The following RFTN1 variants were observed in gnomAD, a reference collection of about 807,000 sequenced individuals.
The protein encoded by RFTN1 is raftlin.
Under a neutral mutation model 46.5 loss-of-function variants are expected in RFTN1, and 26 were observed. The observed-to-expected ratio is 0.56, with a 90% CI of 0.41 to 0.78. The LOEUF (loss-of-function observed/expected upper bound fraction) is 0.78, where lower values mean the gene tolerates loss of function less well. RFTN1 is among the 30% of genes least tolerant of loss of function. The probability of loss-of-function intolerance (pLI) is 0.00; values close to 1 mark genes in which losing one functional copy is unlikely to be tolerated. For missense variants in RFTN1, 693 were observed against 718.7 expected (o/e 0.96, Z 0.41); for synonymous variants, 261 against 284.2 (o/e 0.92, Z 0.82).
At position 16,448,464 on chromosome 3, in the gene RFTN1, A is replaced by G. The variant is rs1223245745; in HGVS notation, c.146-14427T>C. Reference sequence around the variant, plus strand: ...AGTTGAGGTCACTTCTTTTTCCCAAAATAAATCCATAACACCAAGGAATGG... The same window carrying G: ...AGTTGAGGTCACTTCTTTTTCCCAAGATAAATCCATAACACCAAGGAATGG... On this transcript the variant is annotated intron_variant, in intron 2 of 9. Coordinates refer to ENST00000334133, the MANE Select transcript of RFTN1 (RefSeq NM_015150.2). This position sits in a 1 kb window ranked among gnomAD's most constrained non-coding sequence, Gnocchi z 4.1. 6.6e-6 allele frequency among the ~76,000 whole-genome samples: 1 copy of G among 152,198 alleles called. No individual in the cohort carries two copies. The highest frequency in any genetic ancestry group is 1.5e-5 in the Non-Finnish European group (1 of 68,028).
intron 1 of RFTN1, among the ~76,000 whole-genome samples, chr3:16,510,638 A>T (rs191240401): frequency 6.6e-6 from 1 of 152,332 alleles, no homozygotes; most frequent in East Asian, 1.9e-4. Flanking sequence ...ACAGGGCTGT[A>T]GTATCTGGAA....
chr3:16,494,424 T>C (rs1275988057), intron 1 of RFTN1, among the ~76,000 whole-genome samples: 1 of 152,220 alleles, frequency 6.6e-6, no homozygotes, highest in African/African-American at 2.4e-5. Context: ...GGTATTTTTA[T>C]GGGCCTTGTC....
chr3:16,510,027 C>T (rs1192948533), intron 1 of RFTN1, among the ~76,000 whole-genome samples: 1 of 152,182 alleles, frequency 6.6e-6, no homozygotes, highest in Non-Finnish European at 1.5e-5. Context: ...CAAGCTTTGG[C>T]TGTTGGCACC....
At chr3:16,435,455 A>C (rs1023092888) in intron 2 of RFTN1, among the ~76,000 whole-genome samples, 1 of 152,146 alleles carries the variant, frequency 6.6e-6, no homozygotes, top group African/African-American at 2.4e-5. Context: ...CTGTAATCCC[A>C]GCTACTCGGG....
intron 5 of RFTN1, among the ~76,000 whole-genome samples, chr3:16,372,936 T>C (rs2073584796): frequency 1.3e-5 from 2 of 152,222 alleles, no homozygotes; most frequent in Admixed American, 6.5e-5. Context: ...ATAACCCTTG[T>C]ACGCTCCTCT....
In RFTN1 at chr3:16,336,192, G is replaced by A. The variant is rs1429804169; in HGVS notation, c.1147-9316C>T. Among the ~76,000 whole-genome samples, 1 of 152,218 alleles carries A rather than the reference G, an allele frequency of 6.6e-6. No homozygotes were observed. Among genetic ancestry groups the A allele is most frequent in the East Asian group, 1.9e-4 (1 of 5,206 alleles). Reference sequence around the variant, plus strand: ...CGGGCAGTGTTGCAGAAAACTCCACGTGGCCCTCAGGATGCTAAAGGGCAG... The same window carrying A: ...CGGGCAGTGTTGCAGAAAACTCCACATGGCCCTCAGGATGCTAAAGGGCAG... On this transcript the variant is annotated intron_variant, in intron 7 of 9. Transcript: ENST00000334133. The surrounding 1 kb of genome is among the most constrained non-coding windows in gnomAD (Gnocchi z 6.0).
intron 4 of RFTN1, among the ~76,000 whole-genome samples, chr3:16,378,407 G>T (rs1215130488): frequency 1.3e-5 from 2 of 152,154 alleles, no homozygotes; most frequent in Non-Finnish European, 2.9e-5. Context: ...TTTTAAAGAG[G>T]CTGGAAAAAG....
At chr3:16,423,035 G>C (rs1339876822) in intron 3 of RFTN1, among the ~76,000 whole-genome samples, 1 of 152,022 alleles carries the variant, frequency 6.6e-6, no homozygotes, top group African/African-American at 2.4e-5. Flanking sequence ...GGGCATGGTG[G>C]TTGGTGCCTG....
rs1334482932 is a variant in RFTN1, at chr3:16,448,554, A to T, written c.146-14517T>A. On this transcript the variant is annotated intron_variant, in intron 2 of 9. Coordinates refer to ENST00000334133, the MANE Select transcript of RFTN1 (RefSeq NM_015150.2). The surrounding 1 kb of genome is among the most constrained non-coding windows in gnomAD (Gnocchi z 4.1). ...AGTAACCTTCCTTGAAGCACATTAA[A>T]TTTTTTTTCTTAACTAACTGTCGCT... 6.6e-6 allele frequency among the ~76,000 whole-genome samples: 1 copy of T among 152,076 alleles called. No homozygotes were observed. The highest frequency in any genetic ancestry group is 1.5e-5 in the Non-Finnish European group (1 of 68,012).
chr3:16,324,620 C>CCCCCG (rs971398885), intron 8 of RFTN1, among the ~76,000 whole-genome samples: 1 of 142,888 alleles, frequency 7.0e-6, no homozygotes, highest in African/African-American at 2.6e-5. Flanking sequence ...CTGACCCCCC[C>CCCCCG]CCTTTTAAGG....
At chr3:16,363,518 A>G (rs1031658197) in intron 6 of RFTN1, among the ~76,000 whole-genome samples, 5 of 152,362 alleles carry the variant, frequency 3.3e-5, no homozygotes, top group South Asian at 4.1e-4. Context: ...GAGATTTGCC[A>G]TATTATTTCA....
At chr3:16,463,713 A>C (rs1381755859) in intron 2 of RFTN1, among the ~76,000 whole-genome samples, 1 of 152,166 alleles carries the variant, frequency 6.6e-6, no homozygotes, top group Non-Finnish European at 1.5e-5. Context: ...TTTTTGGGGA[A>C]TGGTCACATT....
chr3:16,375,010 A>G (rs754335054), intron 5 of RFTN1, among the ~76,000 whole-genome samples: 1 of 152,200 alleles, frequency 6.6e-6, no homozygotes, highest in Non-Finnish European at 1.5e-5. Flanking sequence ...AAGGCCTCCT[A>G]TAAAGGAAAT....
chr3:16,445,718 T>C (rs569045149), intron 2 of RFTN1, among the ~76,000 whole-genome samples: 3 of 152,248 alleles, frequency 2.0e-5, no homozygotes, highest in South Asian at 4.1e-4. Flanking sequence ...ACTTTGGATA[T>C]ATTAAGATTA....
rs1473977740 is a variant in RFTN1 at position 16,346,866 on chromosome 3, G to A, written c.1146+11066C>T. 2.6e-5 allele frequency among the ~76,000 whole-genome samples: 4 copies of A among 152,112 alleles called. No homozygotes were observed. The highest frequency in any genetic ancestry group is 9.7e-5 in the African/African-American group (4 of 41,408). ...AGGCTGAGGATGAGTACAGAAAGAT[G>A]GCAACATCTGGATCCCTGGTGGCAT... On this transcript the variant is annotated intron_variant, in intron 7 of 9. Transcript: ENST00000334133. The surrounding 1 kb of genome is among the most constrained non-coding windows in gnomAD (Gnocchi z 4.4).
intron 4 of RFTN1, 63 bp from the exon 5 acceptor site, chr3:16,378,165 C>T: frequency 6.9e-7 from 1 of 1,454,720 alleles, no homozygotes; most frequent in South Asian, 1.2e-5. Flanking sequence ...GGGACACGTG[C>T]AGCGTGCAAA....
chr3:16,465,157 TCA>T lies in RFTN1; in HGVS notation c.145+28566_145+28567del, dbSNP rs1476352527. Among the ~76,000 whole-genome samples the T allele has an allele frequency of 6.6e-6, 1 of 151,522 alleles. No homozygotes were observed. ...TGGAATATTTGGGGAATTTTGGCAG[TCA>T]CCTTGGAAATCTGCTAAAACAAATA... On this transcript the variant is annotated intron_variant, in intron 2 of 9. Coordinates refer to ENST00000334133, the MANE Select transcript of RFTN1 (RefSeq NM_015150.2). The surrounding 1 kb of genome is among the most constrained non-coding windows in gnomAD (Gnocchi z 5.1).
intron 1 of RFTN1, among the ~76,000 whole-genome samples, chr3:16,497,882 C>G (rs1217318631): frequency 6.6e-6 from 1 of 152,116 alleles, no homozygotes; most frequent in Admixed American, 6.5e-5. Context: ...TGATAAAGGA[C>G]AGGTTCCCTG....
In RFTN1 at chr3:16,451,162, A is replaced by C. The variant is rs61117795; in HGVS notation, c.146-17125T>G. Among the ~76,000 whole-genome samples the C allele has an allele frequency of 8.0e-3, 1,223 of 152,298 alleles. 19 individuals are homozygous for C. Among genetic ancestry groups the C allele is most frequent in the African/African-American group, 0.028 (1,162 of 41,560 alleles). ...CCAAACTCTCAATAGTTAGTGGCTG[A>C]GCGCAGATGGGCAGATCTGCAAAGG... On this transcript the variant is annotated intron_variant, in intron 2 of 9. Transcript: ENST00000334133. This position sits in a 1 kb window ranked among gnomAD's most constrained non-coding sequence, Gnocchi z 4.2.
Sources: gnomAD v4.1 joint callset for allele counts (sites outside exome capture counted in the v4.1 genomes callset) on GRCh38, gnomAD v4.1.1 for gene constraint, Gnocchi (gnomAD v3.1) non-coding constraint, MANE v1.5 for transcripts, NCBI Gene and HGNC (gene_info 2026-07-23, HGNC 2026-07-21) for gene names.